TRPC5: variants seen among roughly 807,000 people sequenced by gnomAD.
TRPC5 encodes the protein short transient receptor potential channel 5.
In TRPC5, 9 loss-of-function variants were observed where a neutral mutation model predicts 56.5. The observed-to-expected ratio is 0.16, with a 90% CI of 0.10 to 0.28. TRPC5 has a LOEUF of 0.28. Ranked by LOEUF, TRPC5 falls within the 10% of genes least tolerant of loss-of-function variation. The pLI is 1.00. For synonymous variants in TRPC5, 282 were observed against 278.5 expected (o/e 1.01, Z -0.13); for missense variants, 469 against 748.9 (o/e 0.63, Z 4.36).
At chrX:112,049,744 C>A (rs980317952) in intron 1 of TRPC5, among the ~76,000 whole-genome samples, 4 of 111,424 alleles carry the variant, frequency 3.6e-5, no homozygotes, top group Middle Eastern at 9.3e-3. Flanking sequence ...TTTGGTCCAA[C>A]AATTCATATC....
intron 2 of TRPC5, among the ~76,000 whole-genome samples, chrX:111,917,287 C>T (rs1215015178): frequency 8.9e-6 from 1 of 112,537 alleles, no homozygotes; most frequent in Non-Finnish European, 1.9e-5. Context: ...GCTCCAAGCA[C>T]ACCACCATGT....
intron 7 of TRPC5, among the ~76,000 whole-genome samples, chrX:111,796,875 C>T (rs1409471672): frequency 8.9e-6 from 1 of 111,941 alleles, no homozygotes; most frequent in Non-Finnish European, 1.9e-5. Flanking sequence ...ATCTTGTTAC[C>T]AATGTTTTCC....
rs1037660184 is a variant in TRPC5, at chrX:111,773,729, A to T, written c.*2584T>A. Among the ~76,000 whole-genome samples, 9 of 111,569 alleles carry T rather than the reference A, an allele frequency of 8.1e-5. No homozygotes were observed. The highest frequency in any genetic ancestry group is 2.9e-4 in the African/African-American group (9 of 30,709). On this transcript the variant is annotated 3_prime_UTR_variant, in exon 11 of 11. Coordinates refer to ENST00000262839, the MANE Select transcript of TRPC5 (RefSeq NM_012471.3). The stretch of plus-strand genomic sequence containing the variant: ...TCTATTTGTAAAATATGAGGTTGGA[A>T]TAGAGTAGATCCTTTATAAAGTTCT...
chrX:111,829,138 C>A (rs1922325409), intron 7 of TRPC5, among the ~76,000 whole-genome samples: 1 of 108,550 alleles, frequency 9.2e-6, no homozygotes, highest in African/African-American at 3.4e-5. Flanking sequence ...CCCATCTCTA[C>A]TAAAAATACA....
intron 7 of TRPC5, among the ~76,000 whole-genome samples, chrX:111,807,064 T>A (rs1291634638): frequency 8.9e-6 from 1 of 111,756 alleles, no homozygotes; most frequent in Non-Finnish European, 1.9e-5. Context: ...TTTGGTTAAA[T>A]CTGCTTGGTG....
intron 3 of TRPC5, among the ~76,000 whole-genome samples, chrX:111,869,806 T>A (rs1452084110): frequency 2.7e-5 from 3 of 110,825 alleles, no homozygotes; most frequent in African/African-American, 9.9e-5. Flanking sequence ...AGAGGAGAGT[T>A]CTGGAAGTAA....
intron 1 of TRPC5, among the ~76,000 whole-genome samples, chrX:111,978,622 C>A (rs1291466708): frequency 2.7e-5 from 3 of 110,945 alleles, no homozygotes; most frequent in African/African-American, 9.8e-5. Context: ...TTTTTAATAG[C>A]CCCAATTTCA....
intron 7 of TRPC5, among the ~76,000 whole-genome samples, chrX:111,801,868 C>G (rs1339508886): frequency 5.4e-5 from 6 of 111,723 alleles, no homozygotes; most frequent in African/African-American, 1.9e-4. Context: ...TATGTTGAGG[C>G]AAAAAGTTTT....
chrX:111,986,690 C>T (rs957523626), intron 1 of TRPC5, among the ~76,000 whole-genome samples: 6 of 111,249 alleles, frequency 5.4e-5, no homozygotes, highest in African/African-American at 2.0e-4. Flanking sequence ...GCTCTATGTC[C>T]CTAGCTTCGT....
rs1385775380 is a variant in TRPC5 at position 111,842,120 on chromosome X, T to TTA, written c.1700+4992_1700+4993dup. ...ATGTATGTGTGTATATATATATATT[T>TTA]TATATATATATGTATATATATATAT... is the stretch of plus-strand genomic sequence containing the variant. On this transcript the variant is annotated intron_variant, in intron 6 of 10. Coordinates refer to ENST00000262839, the MANE Select transcript of TRPC5 (RefSeq NM_012471.3). 8.2e-4 allele frequency among the ~76,000 whole-genome samples: 66 copies of TTA among 80,607 alleles called. 2 individuals are homozygous for TTA. Among genetic ancestry groups the TTA allele is most frequent in the South Asian group, 6.7e-3 (15 of 2,234 alleles). The allele number at this position is 80,607 out of a possible 115,157, so 70.0% of individuals were successfully genotyped here. A position where few individuals can be genotyped will look rare whatever the true frequency, so the allele number is the denominator to read the frequency against.
intron 1 of TRPC5, among the ~76,000 whole-genome samples, chrX:112,006,542 G>A (rs921320319): frequency 9.0e-6 from 1 of 111,341 alleles, no homozygotes; most frequent in African/African-American, 3.3e-5. Flanking sequence ...GCTAACAAGT[G>A]TAGAACCAGG....
intron 3 of TRPC5, among the ~76,000 whole-genome samples, chrX:111,877,373 C>G (rs942446615): frequency 1.8e-5 from 2 of 111,675 alleles, no homozygotes; most frequent in Non-Finnish European, 3.8e-5. Flanking sequence ...GGGTTTGGAA[C>G]AGACACTGTT....
At chrX:111,944,374 A>C (rs1423773567) in intron 2 of TRPC5, among the ~76,000 whole-genome samples, 1 of 108,435 alleles carries the variant, frequency 9.2e-6, no homozygotes, top group Non-Finnish European at 1.9e-5. Flanking sequence ...ACCTGCACTT[A>C]AACTAGGGAA....
In TRPC5 at chrX:111,912,333, G is replaced by C; in HGVS notation, c.858C>G (p.Asp286Glu). 8.3e-7 allele frequency: 1 copy of C among 1,207,005 alleles called. No individual in the cohort carries two copies. The highest frequency in any genetic ancestry group is 3.0e-5 in the East Asian group (1 of 33,717). The change falls in exon 3 of 11, where the codon GAC becomes GAG. Residue 286 changes from aspartate to glutamate, a missense_variant. Transcript: ENST00000262839. Reference protein sequence around the residue: ...SEELDPQKYHDLAKLKVAIKY... With the variant: ...SEELDPQKYHELAKLKVAIKY... ...TGATTGCCACCTTCAACTTGGCCAG[G>C]TCATGGTACTTCTGAGGGTCAAGCT...
intron 1 of TRPC5, among the ~76,000 whole-genome samples, chrX:111,965,165 G>A (rs1287937993): frequency 5.4e-5 from 6 of 110,814 alleles, no homozygotes; most frequent in African/African-American, 1.6e-4. Context: ...AAAAGGCAGG[G>A]GTTGCAATCC....
chrX:111,789,302 C>A (rs1289099773), intron 7 of TRPC5, among the ~76,000 whole-genome samples: 1 of 111,861 alleles, frequency 8.9e-6, no homozygotes, highest in Non-Finnish European at 1.9e-5. Flanking sequence ...CTGACAAAAA[C>A]AAGCAATGGG....
chrX:111,772,851 G>A lies in TRPC5; in HGVS notation c.*3462C>T, dbSNP rs1027217361. ...AAAACTATTAGTCAAAACACCACAC[G>A]AGATTCACCCATGATGTAACATGAA... is the stretch of plus-strand genomic sequence containing the variant. On this transcript the variant is annotated 3_prime_UTR_variant, in exon 11 of 11. Coordinates refer to ENST00000262839, the MANE Select transcript of TRPC5 (RefSeq NM_012471.3). Among the ~76,000 whole-genome samples the A allele has an allele frequency of 9.0e-6, 1 of 111,042 alleles. No individual in the cohort carries two copies. The highest frequency in any genetic ancestry group is 2.8e-4 in the East Asian group (1 of 3,551).
At chrX:111,975,250 T>C (rs996421146) in intron 1 of TRPC5, among the ~76,000 whole-genome samples, 3 of 109,991 alleles carry the variant, frequency 2.7e-5, no homozygotes, top group Non-Finnish European at 5.7e-5. Context: ...CTAAGATAAT[T>C]GAGCAGAGAC....
At chrX:111,858,354 T>C (rs908702482) in intron 3 of TRPC5, among the ~76,000 whole-genome samples, 2 of 110,847 alleles carry the variant, frequency 1.8e-5, no homozygotes, top group Non-Finnish European at 3.8e-5. Context: ...GAGCAGTAGG[T>C]TTTTATTTTA....
Sources: gnomAD v4.1 joint callset for allele counts (sites outside exome capture counted in the v4.1 genomes callset) on GRCh38, gnomAD v4.1.1 for gene constraint, MANE v1.5 for transcripts, NCBI Gene and HGNC (gene_info 2026-07-23, HGNC 2026-07-21) for gene names.